The following EXTL3 variants were observed in gnomAD, a reference collection of about 807,000 sequenced individuals.
The protein encoded by EXTL3 is exostosin like glycosyltransferase 3, also known as exostosin-like 3.
A neutral mutation model predicts 69.3 loss-of-function variants in EXTL3; 27 were observed. That is an observed-to-expected ratio of 0.39 (90% CI 0.29 to 0.54). EXTL3 has a LOEUF of 0.54. Among genes scored for constraint, EXTL3 ranks in the 20% least tolerant of loss-of-function variants. The pLI is 0.69. For missense variants in EXTL3, 1,003 were observed against 1,231.8 expected (o/e 0.81, Z 2.78); for synonymous variants, 511 against 499.4 (o/e 1.02, Z -0.31).
At chr8:28,677,823 A>G (rs540973385) in intron 1 of EXTL3, among the ~76,000 whole-genome samples, 27 of 152,356 alleles carry the variant, frequency 1.8e-4, no homozygotes, top group African/African-American at 6.3e-4. Context: ...AACAAAATTT[A>G]TTGAGGGCTT....
chr8:28,626,630 C>G (rs1806495544), intron 1 of EXTL3, among the ~76,000 whole-genome samples: 1 of 152,092 alleles, frequency 6.6e-6, no homozygotes, highest in Admixed American at 6.6e-5. Context: ...GTTCACTATC[C>G]CTGAATCTTA....
intron 6 of EXTL3, among the ~76,000 whole-genome samples, chr8:28,745,359 C>CTAAA (rs1801868534): frequency 6.6e-6 from 1 of 152,316 alleles, no homozygotes; most frequent in African/African-American, 2.4e-5. Flanking sequence ...GAGACTTCTG[C>CTAAA]TAAAGCCTCA....
chr8:28,751,961 C>T lies in EXTL3; in HGVS notation c.*1095C>T, dbSNP rs534088577. The T allele has an allele frequency of 6.6e-6, 1 of 152,554 alleles. No homozygotes were observed. The highest frequency in any genetic ancestry group is 1.9e-4 in the East Asian group (1 of 5,172). The allele number at this position is 152,554 out of a possible 1,614,324, so 9.5% of individuals were successfully genotyped here. ...CCCGGCTGGCCGGGAAGTTTTACAG[C>T]AAGGCGCCTGCCTTGGGATAATTCC... is the stretch of plus-strand genomic sequence containing the variant. On this transcript the variant is annotated 3_prime_UTR_variant, in exon 7 of 7. Transcript: ENST00000220562.
At chr8:28,749,630 C>G (rs755320653) in intron 6 of EXTL3, among the ~76,000 whole-genome samples, 1 of 75,464 alleles carries the variant, frequency 1.3e-5, no homozygotes, top group Non-Finnish European at 2.7e-5. Context: ...GGATTTCATT[C>G]ATTCATTCAT....
intron 1 of EXTL3, among the ~76,000 whole-genome samples, chr8:28,680,325 G>T (rs1441728946): frequency 6.7e-6 from 1 of 150,172 alleles, no homozygotes; most frequent in African/African-American, 2.5e-5. Context: ...GGGAGGTGGA[G>T]GTTGCAGTGA....
chr8:28,654,548 A>G (rs974867997), intron 1 of EXTL3, among the ~76,000 whole-genome samples: 1 of 151,638 alleles, frequency 6.6e-6, no homozygotes, highest in South Asian at 2.1e-4. Flanking sequence ...AACTTTTTAT[A>G]TTTTGTAAAG....
At chr8:28,632,310 G>A (rs949360527) in intron 1 of EXTL3, among the ~76,000 whole-genome samples, 3 of 151,782 alleles carry the variant, frequency 2.0e-5, no homozygotes, top group Admixed American at 6.6e-5. Context: ...CAGGAGAATC[G>A]CTTAAACCCA....
intron 4 of EXTL3, among the ~76,000 whole-genome samples, chr8:28,732,617 C>G (rs1334331927): frequency 6.6e-6 from 1 of 152,200 alleles, no homozygotes. Context: ...TTTGCCTATT[C>G]TGGACATCTT....
chr8:28,742,919 C>T, intron 5 of EXTL3, 167 bp from the exon 6 acceptor site: 1 of 730,744 alleles, frequency 1.4e-6, no homozygotes, highest in Non-Finnish European at 2.5e-6. Flanking sequence ...TGCAGAAGAT[C>T]CACACGACAG....
chr8:28,657,154 G>A (rs541945667), intron 1 of EXTL3, among the ~76,000 whole-genome samples: 6 of 152,120 alleles, frequency 3.9e-5, no homozygotes, highest in African/African-American at 1.4e-4. Flanking sequence ...TGTTGGCCAG[G>A]CTGCTCTTGA....
At chr8:28,642,904 T>C (rs1210052834) in intron 1 of EXTL3, among the ~76,000 whole-genome samples, 1 of 152,004 alleles carries the variant, frequency 6.6e-6, no homozygotes, top group Non-Finnish European at 1.5e-5. Context: ...AAATGTTGAG[T>C]AGATGCAAAA....
chr8:28,664,535 C>T lies in EXTL3; in HGVS notation c.-53+41725C>T, dbSNP rs533764616. 4.6e-5 allele frequency among the ~76,000 whole-genome samples: 7 copies of T among 152,166 alleles called. No homozygotes were observed. In the East Asian group the frequency reaches 5.8e-4, roughly 13 times the overall value. ...GCAAACACCTAAAGTACTTTTTTCA[C>T]GTGGAATGAGTGGTGGTAAACAATG... On this transcript the variant is annotated intron_variant, in intron 1 of 6. Transcript: ENST00000523149.
chr8:28,746,562 A>G (rs1801892703), intron 6 of EXTL3, among the ~76,000 whole-genome samples: 1 of 152,198 alleles, frequency 6.6e-6, no homozygotes, highest in African/African-American at 2.4e-5. Context: ...AAATAAGTAA[A>G]TGTCCAGACT....
At chr8:28,627,650 CA>C (rs1392729633) in intron 1 of EXTL3, among the ~76,000 whole-genome samples, 1 of 152,172 alleles carries the variant, frequency 6.6e-6, no homozygotes, top group African/African-American at 2.4e-5. Context: ...ATGTACCTAG[CA>C]AAGTTCTTTA....
At chr8:28,647,905 G>A (rs1464682499) in intron 1 of EXTL3, among the ~76,000 whole-genome samples, 5 of 144,742 alleles carry the variant, frequency 3.5e-5, no homozygotes, top group Admixed American at 2.9e-4. Context: ...AAGTCGGGGT[G>A]CAGCCTTGGG....
intron 1 of EXTL3, among the ~76,000 whole-genome samples, chr8:28,658,860 C>A (rs952558206): frequency 6.6e-6 from 1 of 152,216 alleles, no homozygotes; most frequent in Admixed American, 6.5e-5. Flanking sequence ...GGATTATAGG[C>A]ATGAGCCACT....
chr8:28,612,306 T>G (rs1806281841), intron 2 of EXTL3, among the ~76,000 whole-genome samples: 1 of 151,440 alleles, frequency 6.6e-6, no homozygotes, highest in African/African-American at 2.4e-5. Context: ...ATACAAAAAT[T>G]AGCCAGGCTT....
chr8:28,701,917 G>C (rs890590432), intron 1 of EXTL3, among the ~76,000 whole-genome samples: 6 of 152,168 alleles, frequency 3.9e-5, no homozygotes, highest in Non-Finnish European at 8.8e-5. Flanking sequence ...ACGGGTCCCT[G>C]GGCTGGGGCA....
chr8:28,737,578 A>G lies in EXTL3; in HGVS notation c.2336A>G (p.Asp779Gly). ...TTCCCTGGCCGTTACCACGCATGGG[A>G]CATCCCCCATCAGTCCTGGCTCTAC... ...VGFPGRYHAW[D>G]IPHQSWLYNS... The change falls in exon 5 of 7, where the codon GAC becomes GGC. Residue 779 changes from aspartate (D) to glycine (G), a missense_variant. Physicochemically the swap from Asp to Gly is moderately conservative, Grantham distance 94 (BLOSUM62 -1). This residue lies in a region of EXTL3 where 261 missense variants were observed against 416.4 expected (regional missense o/e 0.63). Coordinates refer to ENST00000220562, the MANE Select transcript of EXTL3 (RefSeq NM_001440.4). 6.2e-7 allele frequency: 1 copy of G among 1,614,068 alleles called. No individual in the cohort carries two copies.
Sources: allele counts gnomAD v4.1 joint callset (sites outside exome capture counted in the v4.1 genomes callset), GRCh38; gene constraint gnomAD v4.1.1; regional missense constraint gnomAD v4.1.1; transcripts MANE v1.5; gene names NCBI Gene and HGNC (gene_info 2026-07-23, HGNC 2026-07-21).